Variants in TNK2 observed in about 807,000 individuals in gnomAD.
TNK2 encodes the protein tyrosine kinase non receptor 2.
A neutral mutation model predicts 101.8 loss-of-function variants in TNK2; 83 were observed. The ratio of observed to expected loss-of-function variants is 0.82; its 90% confidence interval spans 0.68 to 0.98. TNK2 has a LOEUF of 0.98. TNK2 is among the 50% of genes least tolerant of loss of function. The pLI, the probability that TNK2 is intolerant of heterozygous loss-of-function variation, is 0.00. For missense variants in TNK2, 1,665 were observed against 1,483.2 expected, an observed-to-expected ratio of 1.12 and a Z score of -2.01; for synonymous variants, 804 against 633.0, an observed-to-expected ratio of 1.27 and a Z score of -4.06.
At chr3:195,880,083 A>T (rs1218594150) in intron 6 of TNK2, among the ~76,000 whole-genome samples, 1 of 152,118 alleles carries the variant, frequency 6.6e-6, no homozygotes, top group Non-Finnish European at 1.5e-5. Flanking sequence ...GGGAAAGCAG[A>T]ACTGGAACAA....
chr3:195,866,986 GC>G lies in TNK2; in HGVS notation c.3063del (p.Arg1023GlufsTer130). The G allele has an allele frequency of 6.2e-7, 1 of 1,613,172 alleles. No individual in the cohort carries two copies. Among genetic ancestry groups the G allele is most frequent in the Middle Eastern group, 1.6e-4 (1 of 6,062 alleles). ...AGCACTTTGTGGCACTCCCCTCTGG[GC>G]CGCAGACCCAGCCCGAAGAGCTGCT... is the stretch of plus-strand genomic sequence containing the variant. ...KVEQLFGLGL[R>X]PRGECHKVLE... is the part of the protein sequence containing the mutation. On this transcript the variant is annotated frameshift_variant, in exon 15 of 16. Transcript: ENST00000672887. LOFTEE classifies it high-confidence loss of function.
intron 1 of TNK2, among the ~76,000 whole-genome samples, chr3:195,897,876 G>A (rs1266644352): frequency 7.2e-6 from 1 of 137,982 alleles, no homozygotes; most frequent in Non-Finnish European, 1.5e-5. Context: ...TAAGACTTTT[G>A]AACTCATGTT....
chr3:195,906,368 A>T (rs138351820), intron 1 of TNK2, among the ~76,000 whole-genome samples: 1 of 152,248 alleles, frequency 6.6e-6, no homozygotes, highest in African/African-American at 2.4e-5. Flanking sequence ...AAAGACTAAC[A>T]AACACGTTCA....
chr3:195,894,941 T>G (rs1577112021), intron 1 of TNK2, among the ~76,000 whole-genome samples: 2 of 152,196 alleles, frequency 1.3e-5, no homozygotes. Flanking sequence ...ACATACAGAC[T>G]CAGTTCTCCT....
Position 195,878,463 on chromosome 3 carries a change from G to A in TNK2, c.1144C>T (p.Arg382Trp), listed in dbSNP as rs141404332. 392 of 1,613,948 alleles carry A rather than the reference G, an allele frequency of 2.4e-4. 4 individuals are homozygous for A. In the East Asian group the frequency reaches 5.5e-3, roughly 23 times the overall value. Residue 382 changes from arginine to tryptophan, a missense_variant, in exon 8 of 16, where the codon CGG becomes TGG. Physicochemically the swap from Arg to Trp is moderately radical, Grantham distance 101 (BLOSUM62 -3). Coordinates refer to ENST00000672887, the MANE Select transcript of TNK2 (RefSeq NM_001382273.1). This position sits in a 1 kb window ranked among gnomAD's most constrained non-coding sequence, Gnocchi z 4.7. ...TCCCTCACCTCCAGCAGGAAGTCCC[G>A]CAGGGCCACAAACGTGGGTCTGTCC... Reference protein sequence around the residue: ...PEDRPTFVALRDFLLEAQPTD... With the variant: ...PEDRPTFVALWDFLLEAQPTD...
chr3:195,867,499 G>A lies in TNK2; in HGVS notation c.2799C>T (p.Asp933=). The change falls in exon 13 of 16, where the codon GAC becomes GAT. Residue 933 remains aspartate, a synonymous_variant. Transcript: ENST00000672887. Reference sequence around the variant, plus strand: ...TGTTGGTGGAGAAGTTGGCCTTGGGGTCCAAGGCAGCCTGGGGCATCGGCC... The same window carrying A: ...TGTTGGTGGAGAAGTTGGCCTTGGGATCCAAGGCAGCCTGGGGCATCGGCC... ...TVRPMPQAAL[D]PKANFSTNNS... The A allele has an allele frequency of 2.6e-6, 4 of 1,566,934 alleles. No individual in the cohort carries two copies. Among genetic ancestry groups the A allele is most frequent in the Non-Finnish European group, 3.4e-6 (4 of 1,164,278 alleles).
rs757625850 is a variant in TNK2, at chr3:195,867,351, G to A, written c.2937+10C>T. 1 of 1,607,994 alleles carries A rather than the reference G, an allele frequency of 6.2e-7. No homozygotes were observed. The highest frequency in any genetic ancestry group is 1.7e-5 in the Admixed American group (1 of 59,274). ...GCCCCGCTTCGCCCACAGCCAGGCTGGGTGCTCACCATCTGGATCTTGTCT... is the reference window on the plus strand; with the variant it reads ...GCCCCGCTTCGCCCACAGCCAGGCTAGGTGCTCACCATCTGGATCTTGTCT... On this transcript the variant is annotated intron_variant, in intron 13 of 15. Transcript: ENST00000672887.
At chr3:195,870,622 T>C (rs1417784568) in intron 10 of TNK2, among the ~76,000 whole-genome samples, 2 of 152,184 alleles carry the variant, frequency 1.3e-5, no homozygotes, top group Non-Finnish European at 2.9e-5. Context: ...TTCTGCCACA[T>C]GGCCAGGAGG....
At chr3:195,891,489 C>G (rs1413613307) in intron 1 of TNK2, among the ~76,000 whole-genome samples, 1 of 152,242 alleles carries the variant, frequency 6.6e-6, no homozygotes. Context: ...TTCATTTATC[C>G]TCAACAAAAT....
Position 195,882,997 on chromosome 3 carries a change from G to A in TNK2, c.609+160C>T, listed in dbSNP as rs952828091. ...GACTGGACCGCAGCAGACACAGCCC[G>A]TACCAGGCTGGGCCCCTGTGGACCC... On this transcript the variant is annotated intron_variant, in intron 5 of 15. Transcript: ENST00000672887. This position sits in a 1 kb window ranked among gnomAD's most constrained non-coding sequence, Gnocchi z 4.2. 7.2e-5 allele frequency among the ~76,000 whole-genome samples: 11 copies of A among 152,134 alleles called. No individual in the cohort carries two copies. The highest frequency in any genetic ancestry group is 2.2e-4 in the African/African-American group (9 of 41,418).
At chr3:195,879,277 CT>C (rs1751110251) in intron 6 of TNK2, 102 bp from the exon 7 acceptor site, 1 of 1,542,692 alleles carries the variant, frequency 6.5e-7, no homozygotes, top group Non-Finnish European at 8.7e-7. Context: ...TTGTGACCCC[CT>C]GTGCCAGGTT....
At chr3:195,883,498 C>A (rs948590808) in intron 4 of TNK2, 189 bp from the exon 5 acceptor site, 65 of 639,750 alleles carry the variant, frequency 1.0e-4, no homozygotes, top group Non-Finnish European at 1.6e-4. Flanking sequence ...GGGCAGACGG[C>A]TGGCCCTCAG....
chr3:195,902,787 TCAC>T (rs1761347746), intron 1 of TNK2, among the ~76,000 whole-genome samples: 1 of 151,860 alleles, frequency 6.6e-6, no homozygotes, highest in South Asian at 2.1e-4. Flanking sequence ...TTTTGCTCTG[TCAC>T]CCAGACTGGA....
chr3:195,868,272 C>A lies in TNK2; in HGVS notation c.2026G>T (p.Ala676Ser). ...NSTLVGAGVP[A>S]GPSQGQTNYA... ...TTGGTCTGGCCCTGGCTGGGCCCGG[C>A]AGGGACCCCCGCGCCCACGAGGGTG... Residue 676 changes from alanine (A) to serine (S), a missense_variant, in exon 13 of 16, where the codon GCC (alanine) becomes TCC (serine). Physicochemically the swap from Ala to Ser is moderately conservative, Grantham distance 99. This residue lies in a region of TNK2 where 1,136 missense variants were observed against 894.9 expected (regional missense o/e 1.27). Transcript: ENST00000672887. The A allele has an allele frequency of 1.2e-6, 2 of 1,604,374 alleles. No homozygotes were observed. Among genetic ancestry groups the A allele is most frequent in the African/African-American group, 2.7e-5 (2 of 74,974 alleles).
At chr3:195,884,218 T>A (rs1016651314) in intron 4 of TNK2, 10 of 152,104 alleles carry the variant, frequency 6.6e-5, no homozygotes, top group African/African-American at 2.4e-4. Context: ...ATACCTAAAG[T>A]GGGAGGAAGA....
At chr3:195,895,487 G>C in intron 1 of TNK2, 1 of 1,361,310 alleles carries the variant, frequency 7.3e-7, no homozygotes, top group Non-Finnish European at 9.4e-7. Flanking sequence ...CGGCGGCCGG[G>C]TGGTCGCGCC....
At chr3:195,865,834 C>G (rs1212786636) in intron 15 of TNK2, among the ~76,000 whole-genome samples, 1 of 152,156 alleles carries the variant, frequency 6.6e-6, no homozygotes, top group Non-Finnish European at 1.5e-5. Context: ...GCGTGCTGGG[C>G]GCAATAAGAC....
At position 195,870,372 on chromosome 3, in the gene TNK2, G is replaced by GA; in HGVS notation, c.1452-168_1452-167insT. 2.0e-6 allele frequency: 3 copies of GA among 1,482,662 alleles called. No homozygotes were observed. The East Asian group carries it at 8.6e-5, about 43-fold the overall frequency. 91.8% of individuals were successfully genotyped at this position (1,482,662 alleles called of 1,614,324 possible). A position where few individuals can be genotyped will look rare whatever the true frequency, so the allele number is the denominator to read the frequency against. On this transcript the variant is annotated intron_variant, in intron 10 of 15. Transcript: ENST00000672887. ...AACCTGACCGCACGTCTCAGCTGGG[G>GA]GGTGTCCTGGAGAGAAGGCAGAGAA...
At chr3:195,869,900 G>A (rs982497192) in intron 11 of TNK2, 65 of 563,624 alleles carry the variant, frequency 1.2e-4, no homozygotes, top group South Asian at 4.9e-5. Context: ...CGGGCCTGCT[G>A]CAGACCCAGC....
Sources: gnomAD v4.1 joint callset for allele counts (sites outside exome capture counted in the v4.1 genomes callset) on GRCh38, gnomAD v4.1.1 for gene constraint, gnomAD v4.1.1 regional missense constraint, Gnocchi (gnomAD v3.1) non-coding constraint, MANE v1.5 for transcripts, NCBI Gene and HGNC (gene_info 2026-07-23, HGNC 2026-07-21) for gene names.